DENND1A: variants seen among roughly 807,000 people sequenced by gnomAD.
DENND1A encodes the protein DENN domain containing 1A.
A neutral mutation model predicts 113.7 loss-of-function variants in DENND1A; 51 were observed. The observed-to-expected ratio is 0.45, with a 90% CI of 0.36 to 0.57. The LOEUF is 0.57. Among genes scored for constraint, DENND1A ranks in the 20% least tolerant of loss-of-function variants. The pLI, the probability that DENND1A is intolerant of heterozygous loss-of-function variation, is 0.00. For missense variants in DENND1A, 1,258 were observed against 1,395.9 expected (o/e 0.90, Z 1.57); for synonymous variants, 565 against 570.8 (o/e 0.99, Z 0.14).
At chr9:123,548,253 G>A (rs1039465927) in intron 13 of DENND1A, among the ~76,000 whole-genome samples, 9 of 152,082 alleles carry the variant, frequency 5.9e-5, no homozygotes, top group African/African-American at 2.2e-4. Context: ...CCACTAAAAT[G>A]GGAAAAAATG....
intron 5 of DENND1A, among the ~76,000 whole-genome samples, chr9:123,735,014 G>A (rs1172371611): frequency 6.6e-6 from 1 of 152,176 alleles, no homozygotes; most frequent in East Asian, 1.9e-4. Context: ...GGAGAAGCCA[G>A]AAAAGTTGGA....
At chr9:123,462,597 G>C (rs2048619042) in intron 13 of DENND1A, among the ~76,000 whole-genome samples, 1 of 152,282 alleles carries the variant, frequency 6.6e-6, no homozygotes, top group Non-Finnish European at 1.5e-5. Flanking sequence ...AGGAGTTCGA[G>C]ACCAGCTTGA....
At chr9:123,597,877 G>GTC (rs2059764583) in intron 11 of DENND1A, among the ~76,000 whole-genome samples, 1 of 152,156 alleles carries the variant, frequency 6.6e-6, no homozygotes, top group Admixed American at 6.5e-5. Flanking sequence ...TTCCAGGGAA[G>GTC]GTTTTCATAA....
intron 8 of DENND1A, among the ~76,000 whole-genome samples, chr9:123,657,405 G>A (rs1302209960): frequency 1.3e-5 from 2 of 151,770 alleles, no homozygotes; most frequent in African/African-American, 2.4e-5. Flanking sequence ...TGGTGGCGAT[G>A]GGGGGAGTTG....
At chr9:123,780,966 T>C (rs531078399) in intron 3 of DENND1A, among the ~76,000 whole-genome samples, 33 of 152,286 alleles carry the variant, frequency 2.2e-4, no homozygotes, top group African/African-American at 7.7e-4. Flanking sequence ...GAAAACTAAG[T>C]TAAATTAGTT....
intron 21 of DENND1A, chr9:123,401,747 G>T (rs1026892873): frequency 1.2e-6 from 2 of 1,608,820 alleles, no homozygotes; most frequent in African/African-American, 2.7e-5. Flanking sequence ...ATCAGACACC[G>T]GCTCTTTGGC....
intron 13 of DENND1A, among the ~76,000 whole-genome samples, chr9:123,458,985 A>G (rs2048341390): frequency 6.6e-6 from 1 of 152,048 alleles, no homozygotes; most frequent in Non-Finnish European, 1.5e-5. Context: ...AAACAAACAA[A>G]AAAACAAAAC....
Position 123,777,807 on chromosome 9 carries a change from T to C in DENND1A, c.133-8244A>G, listed in dbSNP as rs554636097. Among the ~76,000 whole-genome samples, 3 of 152,308 alleles carry C rather than the reference T, an allele frequency of 2.0e-5. No homozygotes were observed. In the East Asian group the frequency reaches 5.8e-4, roughly 29 times the overall value. ...GTCAACAAACACTGTGAGCAGAATA[T>C]GAAAATCAAAATGTAAATATCAAAT... On this transcript the variant is annotated intron_variant, in intron 3 of 23. Transcript: ENST00000394215.
At chr9:123,534,199 C>T (rs552075538) in intron 13 of DENND1A, among the ~76,000 whole-genome samples, 25 of 152,184 alleles carry the variant, frequency 1.6e-4, no homozygotes, top group Non-Finnish European at 3.1e-4. Flanking sequence ...TTTTCCACTG[C>T]CTCCTCTTGC....
intron 8 of DENND1A, among the ~76,000 whole-genome samples, chr9:123,656,774 C>T (rs558700238): frequency 2.0e-5 from 3 of 152,308 alleles, no homozygotes; most frequent in African/African-American, 7.2e-5. Flanking sequence ...TTTCTTCATT[C>T]TCTGCCAATT....
intron 11 of DENND1A, among the ~76,000 whole-genome samples, chr9:123,602,383 T>C (rs1170331135): frequency 6.6e-6 from 1 of 152,206 alleles, no homozygotes; most frequent in Non-Finnish European, 1.5e-5. Flanking sequence ...TTTCCAAATA[T>C]TTTTGATCTG....
intron 5 of DENND1A, among the ~76,000 whole-genome samples, chr9:123,746,627 T>C (rs1589913278): frequency 6.6e-6 from 1 of 152,184 alleles, no homozygotes; most frequent in African/African-American, 2.4e-5. Context: ...TTAGAGCATT[T>C]TGAATTTTGG....
At chr9:123,464,329 C>A (rs376965804) in intron 13 of DENND1A, among the ~76,000 whole-genome samples, 8 of 152,296 alleles carry the variant, frequency 5.3e-5, no homozygotes, top group Admixed American at 2.0e-4. Flanking sequence ...AAGATGGAAG[C>A]AACCCAAGGG....
intron 5 of DENND1A, among the ~76,000 whole-genome samples, chr9:123,705,954 C>G (rs980842192): frequency 2.6e-5 from 4 of 152,010 alleles, no homozygotes; most frequent in African/African-American, 9.7e-5. Flanking sequence ...ACTGAGAAAA[C>G]AGTGTCATTC....
At chr9:123,514,000 A>T (rs996061481) in intron 13 of DENND1A, among the ~76,000 whole-genome samples, 3 of 152,032 alleles carry the variant, frequency 2.0e-5, no homozygotes, top group Non-Finnish European at 2.9e-5. Context: ...TTTATTAAAA[A>T]CAGAATTCCC....
intron 1 of DENND1A, among the ~76,000 whole-genome samples, chr9:123,884,343 G>GCC (rs920986204): frequency 9.9e-5 from 15 of 152,156 alleles, no homozygotes; most frequent in African/African-American, 3.1e-4. Flanking sequence ...TGCTGAGAAT[G>GCC]CCACATTCAG....
In DENND1A at chr9:123,571,919, G is replaced by A. The variant is rs554737913; in HGVS notation, c.867+11250C>T. ...GTACCGTATTGTACTCCCATCAGCCGTGATGAAAGCTCCACATAAATGCTT... is the reference window on the plus strand; with the variant it reads ...GTACCGTATTGTACTCCCATCAGCCATGATGAAAGCTCCACATAAATGCTT... On this transcript the variant is annotated intron_variant, in intron 12 of 23. Coordinates refer to ENST00000394215, the MANE Select transcript of DENND1A (RefSeq NM_001352964.2). Among the ~76,000 whole-genome samples the A allele has an allele frequency of 3.9e-5, 6 of 152,272 alleles. No individual in the cohort carries two copies. The East Asian group carries it at 1.2e-3, about 29-fold the overall frequency.
intron 1 of DENND1A, among the ~76,000 whole-genome samples, chr9:123,912,523 A>T (rs182575858): frequency 1.3e-5 from 2 of 152,320 alleles, no homozygotes; most frequent in Admixed American, 6.5e-5. Context: ...CAAACACCAC[A>T]GGAAACCCTG....
chr9:123,848,269 T>C, intron 2 of DENND1A, among the ~76,000 whole-genome samples: 1 of 142,568 alleles, frequency 7.0e-6, no homozygotes. Flanking sequence ...AAATTGAAAG[T>C]ATATGACAAC....
Sources: allele counts gnomAD v4.1 joint callset (sites outside exome capture counted in the v4.1 genomes callset), GRCh38; gene constraint gnomAD v4.1.1; transcripts MANE v1.5; gene names NCBI Gene and HGNC (gene_info 2026-07-23, HGNC 2026-07-21).